Variants in CMYA5 observed in about 807,000 individuals in gnomAD.
The protein encoded by CMYA5 is cardiomyopathy-associated protein 5.
In CMYA5, 246 loss-of-function variants were observed where a neutral mutation model predicts 318.9. The observed-to-expected ratio is 0.77, with a 90% confidence interval of 0.70 to 0.86. CMYA5 has a LOEUF of 0.86. Among genes scored for constraint, CMYA5 ranks in the 40% least tolerant of loss-of-function variants. CMYA5 has a pLI of 0.00. For missense variants in CMYA5, 4,589 were observed against 4,678.2 expected (o/e 0.98, Z 0.56); for synonymous variants, 1,641 against 1,729.5 (o/e 0.95, Z 1.27).
chr5:79,737,214 C>T lies in CMYA5; in HGVS notation c.8449C>T (p.Pro2817Ser), dbSNP rs1444654880. 3 of 1,613,558 alleles carry T rather than the reference C, an allele frequency of 1.9e-6. No individual in the cohort carries two copies. Among genetic ancestry groups the T allele is most frequent in the Non-Finnish European group, 1.7e-6 (2 of 1,179,804 alleles). ...TPPYLLSPVK[P>S]QTLASGASPE... The stretch of plus-strand genomic sequence containing the variant: ...GCCATATTTGCTGTCACCTGTAAAA[C>T]CACAAACTCTTGCTTCAGGAGCTTC... The change falls in exon 2 of 13, where the codon CCA (proline) becomes TCA (serine). Residue 2817 changes from proline to serine, a missense_variant. Transcript: ENST00000446378.
intron 1 of CMYA5, among the ~76,000 whole-genome samples, chr5:79,716,797 C>A (rs1289019682): frequency 6.6e-6 from 1 of 152,154 alleles, no homozygotes; most frequent in East Asian, 1.9e-4. Flanking sequence ...TACGGTGGAG[C>A]TACTTTCAGT....
At chr5:79,728,317 T>G (rs1827791094) in intron 1 of CMYA5, among the ~76,000 whole-genome samples, 1 of 136,332 alleles carries the variant, frequency 7.3e-6, no homozygotes, top group South Asian at 2.1e-4. Flanking sequence ...ATTTTGAACA[T>G]CTTTTTTTTT....
At chr5:79,763,310 G>A (rs375771010) in intron 9 of CMYA5, 101 bp downstream of exon 9, 46 of 1,081,308 alleles carry the variant, frequency 4.3e-5, no homozygotes, top group South Asian at 1.9e-4. Flanking sequence ...GAGAAATGCC[G>A]TCTAAAATCC....
intron 8 of CMYA5, chr5:79,762,169 T>C (rs1375158262): frequency 2.0e-6 from 1 of 501,990 alleles, no homozygotes; most frequent in Admixed American, 3.4e-5. Flanking sequence ...TCATAGAAAA[T>C]GTGTGGTAAG....
intron 9 of CMYA5, among the ~76,000 whole-genome samples, chr5:79,771,282 G>A (rs192176516): frequency 5.2e-4 from 79 of 152,170 alleles, no homozygotes; most frequent in African/African-American, 1.7e-3. Flanking sequence ...CTTGCTTTAC[G>A]TCACTTAGGG....
At chr5:79,752,929 A>G in intron 6 of CMYA5, 135 bp downstream of exon 6, 2 of 586,226 alleles carry the variant, frequency 3.4e-6, no homozygotes, top group Non-Finnish European at 5.9e-6. Flanking sequence ...TTAGTTGTAA[A>G]ATGTTACAGC....
intron 5 of CMYA5, among the ~76,000 whole-genome samples, chr5:79,750,010 ATT>A (rs11440578): frequency 0.12 from 17,328 of 146,442 alleles, 1,543 homozygotes; most frequent in East Asian, 0.39. Context: ...GTTTTTGCCT[ATT>A]TTTTTTTTTT....
At chr5:79,697,279 T>A (rs1378160981) in intron 1 of CMYA5, among the ~76,000 whole-genome samples, 1 of 152,200 alleles carries the variant, frequency 6.6e-6, no homozygotes, top group African/African-American at 2.4e-5. Context: ...CGCTGAAGCC[T>A]CCTTGCTCAT....
At chr5:79,724,185 G>A (rs1026457228) in intron 1 of CMYA5, among the ~76,000 whole-genome samples, 3 of 151,824 alleles carry the variant, frequency 2.0e-5, no homozygotes, top group African/African-American at 7.3e-5. Flanking sequence ...TTAGCCAGGC[G>A]TGGTGGTGCC....
intron 9 of CMYA5, 58 bp downstream of exon 9, chr5:79,763,267 C>T: frequency 2.9e-6 from 4 of 1,397,756 alleles, no homozygotes; most frequent in Non-Finnish European, 3.8e-6. Flanking sequence ...AGCTCTGGGT[C>T]CTAAACTACC....
intron 1 of CMYA5, among the ~76,000 whole-genome samples, chr5:79,721,552 A>G (rs1827629943): frequency 6.6e-6 from 1 of 152,192 alleles, no homozygotes; most frequent in African/African-American, 2.4e-5. Context: ...CAACATATCT[A>G]AAGTATAAAG....
At chr5:79,718,730 C>T (rs535595826) in intron 1 of CMYA5, among the ~76,000 whole-genome samples, 34 of 152,284 alleles carry the variant, frequency 2.2e-4, no homozygotes, top group African/African-American at 8.2e-4. Flanking sequence ...TGCATAATGA[C>T]ATTTTGGTTA....
At chr5:79,741,644 A>G (rs1022596204) in intron 2 of CMYA5, among the ~76,000 whole-genome samples, 5 of 152,122 alleles carry the variant, frequency 3.3e-5, no homozygotes, top group Non-Finnish European at 7.3e-5. Context: ...GCTACAGTGG[A>G]AGTGGGCCCC....
intron 1 of CMYA5, among the ~76,000 whole-genome samples, chr5:79,696,836 G>A (rs58086705): frequency 0.081 from 12,283 of 152,006 alleles, 577 homozygotes; most frequent in South Asian, 0.14. Context: ...CGAAACCCCC[G>A]TCTCTACTAA....
rs758860371 is a variant in CMYA5 at position 79,732,718 on chromosome 5, C to T, written c.3953C>T (p.Ser1318Leu). The T allele has an allele frequency of 6.2e-7, 1 of 1,613,568 alleles. No homozygotes were observed. Among genetic ancestry groups the T allele is most frequent in the South Asian group, 1.1e-5 (1 of 90,994 alleles). The change falls in exon 2 of 13, where the codon TCA becomes TTA. Residue 1318 changes from serine (S) to leucine (L), a missense_variant. By Grantham distance (145) the Ser-to-Leu change is moderately radical. Around this residue, in one of 3 missense-constraint regions of CMYA5, gnomAD observed 2,132 missense variants for 2,131.3 expected, o/e 1.00. Coordinates refer to ENST00000446378, the MANE Select transcript of CMYA5 (RefSeq NM_153610.5). ...KITTTPIVLH[S>L]ASSGVEKQVE... ...ACAACTACACCTATAGTGCTTCATT[C>T]AGCTTCCTCAGGAGTGGAAAAGCAA...
chr5:79,731,714 G>A lies in CMYA5; in HGVS notation c.2949G>A (p.Glu983=), dbSNP rs781751911. 3.7e-6 allele frequency: 6 copies of A among 1,613,920 alleles called. No homozygotes were observed. Among genetic ancestry groups the A allele is most frequent in the Non-Finnish European group, 5.1e-6 (6 of 1,179,872 alleles). ...CAATATGTTTAACATCACCATCTGA[G>A]CACACTATTTTGTCAGATGAAGACA... ...DSPICLTSPS[E]HTILSDEDTE... Residue 983 remains glutamate (E), a synonymous_variant, in exon 2 of 13, where the codon GAG becomes GAA. Coordinates refer to ENST00000446378, the MANE Select transcript of CMYA5 (RefSeq NM_153610.5).
intron 1 of CMYA5, among the ~76,000 whole-genome samples, chr5:79,706,124 C>T (rs1827265985): frequency 1.3e-5 from 2 of 152,106 alleles, no homozygotes; most frequent in South Asian, 4.2e-4. Context: ...AGGGGAGTCA[C>T]CGCCTTCTGG....
At chr5:79,705,672 A>T (rs1304332452) in intron 1 of CMYA5, among the ~76,000 whole-genome samples, 2 of 152,198 alleles carry the variant, frequency 1.3e-5, no homozygotes, top group Non-Finnish European at 2.9e-5. Context: ...AGCATATATC[A>T]TCCAGGAGCT....
At chr5:79,792,851 C>G (rs1829203274) in intron 11 of CMYA5, among the ~76,000 whole-genome samples, 1 of 152,204 alleles carries the variant, frequency 6.6e-6, no homozygotes, top group Non-Finnish European at 1.5e-5. Flanking sequence ...GCACCTACTA[C>G]AGTTCAAAGA....
Sources: gnomAD v4.1 joint callset for allele counts (sites outside exome capture counted in the v4.1 genomes callset) on GRCh38, gnomAD v4.1.1 for gene constraint, gnomAD v4.1.1 regional missense constraint, MANE v1.5 for transcripts, NCBI Gene and HGNC (gene_info 2026-07-23, HGNC 2026-07-21) for gene names.